OR1L8: variants seen among roughly 807,000 people sequenced by gnomAD.
The protein encoded by OR1L8 is olfactory receptor family 1 subfamily L member 8.
For missense variants in OR1L8, 330 were observed against 377.4 expected, an observed-to-expected ratio of 0.87 and a Z score of 1.04; for synonymous variants, 148 against 147.0, an observed-to-expected ratio of 1.01 and a Z score of -0.05.
chr9:122,553,603 A>G, the OR1L8 span: 6 of 1,614,108 alleles, frequency 3.7e-6, no homozygotes, highest in Non-Finnish European at 5.1e-6. Context: ...GCCATCTGCC[A>G]ACCACTCCAT....
At chr9:122,550,980 T>G in the OR1L8 span, among the ~76,000 whole-genome samples, 2 of 151,948 alleles carry the variant, frequency 1.3e-5, no homozygotes, top group African/African-American at 2.4e-5. Context: ...CTTTGTTTGC[T>G]GATGATATGA....
intron 3 of OR1L8, among the ~76,000 whole-genome samples, chr9:122,575,882 T>G (rs924335694): frequency 6.6e-6 from 1 of 152,208 alleles, no homozygotes; most frequent in African/African-American, 2.4e-5. Flanking sequence ...TTGACCTACA[T>G]CTCCCAATTT....
chr9:122,576,214 CTTTTTTACATTT>C (rs1206543142), intron 3 of OR1L8, among the ~76,000 whole-genome samples: 1 of 150,768 alleles, frequency 6.6e-6, no homozygotes, highest in Non-Finnish European at 1.5e-5. Flanking sequence ...GTAACATTTT[CTTTTTTACATTT>C]TTTTTTATTT....
At chr9:122,549,502 A>G in the OR1L8 span, among the ~76,000 whole-genome samples, 1 of 152,204 alleles carries the variant, frequency 6.6e-6, no homozygotes, top group Non-Finnish European at 1.5e-5. Context: ...CAGGTCTTAC[A>G]GTTAAGTCTT....
chr9:122,569,923 T>A (rs544423731), intron 4 of OR1L8, among the ~76,000 whole-genome samples: 3,866 of 150,706 alleles, frequency 0.026, 126 homozygotes, highest in African/African-American at 0.09. Flanking sequence ...AGTGAGAATA[T>A]GCGGTGTTTG....
the OR1L8 span, among the ~76,000 whole-genome samples, chr9:122,549,732 A>T: frequency 9.2e-5 from 14 of 151,986 alleles, no homozygotes; most frequent in Non-Finnish European, 1.6e-4. Flanking sequence ...GTCTGTTTTT[A>T]TACTAGTACC....
chr9:122,553,619 C>A, the OR1L8 span: 1 of 1,614,004 alleles, frequency 6.2e-7, no homozygotes, highest in Non-Finnish European at 8.5e-7. Flanking sequence ...TCCATTACAG[C>A]ACATCTATGA....
At chr9:122,549,999 T>C in the OR1L8 span, among the ~76,000 whole-genome samples, 2 of 152,192 alleles carry the variant, frequency 1.3e-5, no homozygotes, top group Non-Finnish European at 2.9e-5. Context: ...GATCATGGGA[T>C]GTTTTTCCAT....
chr9:122,567,254 T>C lies in OR1L8; in HGVS notation c.*294A>G. 3.9e-6 allele frequency: 1 copy of C among 254,726 alleles called. No homozygotes were observed. The highest frequency in any genetic ancestry group is 7.4e-6 in the Non-Finnish European group (1 of 134,462). The allele number at this position is 254,726 out of a possible 1,614,324, so 15.8% of individuals were successfully genotyped here. On this transcript the variant is annotated 3_prime_UTR_variant, in exon 5 of 5. Coordinates refer to ENST00000641027, the MANE Select transcript of OR1L8 (RefSeq NM_001004454.2). Reference sequence around the variant, plus strand: ...CCTTAATAAAAGGAGAGAAATTTGTTTAGGAAATATTCATGGGGAAAGGAT... The same window carrying C: ...CCTTAATAAAAGGAGAGAAATTTGTCTAGGAAATATTCATGGGGAAAGGAT...
chr9:122,556,049 C>T, the OR1L8 span, among the ~76,000 whole-genome samples: 1 of 152,170 alleles, frequency 6.6e-6, no homozygotes, highest in Non-Finnish European at 1.5e-5. Flanking sequence ...TCCCCATAAC[C>T]CTGTGGTAAC....
chr9:122,563,746 G>A (rs1387793218), downstream of OR1L8, among the ~76,000 whole-genome samples: 1 of 152,186 alleles, frequency 6.6e-6, no homozygotes, highest in African/African-American at 2.4e-5. Flanking sequence ...ATAGTTTCAG[G>A]TCTTACAGTC....
Position 122,567,713 on chromosome 9 carries a change from G to T in OR1L8, c.765C>A (p.Ser255Arg), listed in dbSNP as rs972373472. Residue 255 changes from serine to arginine, a missense_variant, in exon 5 of 5, where the codon AGC becomes AGA. Ser to Arg is a moderately radical substitution (Grantham distance 110, BLOSUM62 -1). Transcript: ENST00000641027. Reference sequence around the variant, plus strand: ...GGGGCTGTAAATAGACACAGAAGATGCTTCCATAAAAGAGCGTCACCACGG... The same window carrying T: ...GGGGCTGTAAATAGACACAGAAGATTCTTCCATAAAAGAGCGTCACCACGG... The part of the protein sequence containing the change: ...YLTVVTLFYG[S>R]IFCVYLQPPS... The T allele has an allele frequency of 1.2e-6, 2 of 1,614,088 alleles. No homozygotes were observed. Among genetic ancestry groups the T allele is most frequent in the Non-Finnish European group, 1.7e-6 (2 of 1,180,014 alleles).
At chr9:122,579,108 T>C (rs888010542) in intron 1 of OR1L8, among the ~76,000 whole-genome samples, 4 of 152,036 alleles carry the variant, frequency 2.6e-5, no homozygotes, top group East Asian at 1.9e-4. Flanking sequence ...ACAAGGATAG[T>C]ACACGTAAGA....
At chr9:122,552,057 A>ACTCTCT in the OR1L8 span, among the ~76,000 whole-genome samples, 26 of 144,174 alleles carry the variant, frequency 1.8e-4, no homozygotes, top group Middle Eastern at 3.5e-3. Context: ...ACACACATAC[A>ACTCTCT]CTCTCTCTCT....
At chr9:122,566,563 A>G (rs116549013), downstream of OR1L8, among the ~76,000 whole-genome samples, 1,244 of 152,306 alleles carry the variant, frequency 8.2e-3, 17 homozygotes, top group African/African-American at 0.029. Context: ...TGCTGCATAT[A>G]GTTACACTTT....
At chr9:122,582,444 A>T (rs551350830) in intron 1 of OR1L8, among the ~76,000 whole-genome samples, 35 of 152,322 alleles carry the variant, frequency 2.3e-4, no homozygotes, top group South Asian at 2.3e-3. Context: ...GGCTCGGCGC[A>T]GTGGCTCACG....
the OR1L8 span, among the ~76,000 whole-genome samples, chr9:122,555,553 C>G: frequency 6.6e-6 from 1 of 152,148 alleles, no homozygotes; most frequent in African/African-American, 2.4e-5. Context: ...AAGATCCCCA[C>G]CTTTGCCCTC....
intron 1 of OR1L8, among the ~76,000 whole-genome samples, chr9:122,581,987 A>G (rs563736495): frequency 6.6e-5 from 10 of 152,320 alleles, no homozygotes; most frequent in African/African-American, 2.4e-4. Context: ...CACAAGAAAC[A>G]AGAGACAAAG....
chr9:122,554,288 TA>T, the OR1L8 span: 76,697 of 532,306 alleles, frequency 0.14, 19 homozygotes, highest in East Asian at 0.23. Flanking sequence ...GTTAGGGATG[TA>T]AAAAAAAAAA....
Sources: allele counts gnomAD v4.1 joint callset (sites outside exome capture counted in the v4.1 genomes callset), GRCh38; gene constraint gnomAD v4.1.1; transcripts MANE v1.5; gene names NCBI Gene and HGNC (gene_info 2026-07-23, HGNC 2026-07-21).